FAM184B: variants seen among roughly 807,000 people sequenced by gnomAD.
FAM184B encodes family with sequence similarity 184 member B, also known as protein FAM184B.
In FAM184B, 111 loss-of-function variants were observed where a neutral mutation model predicts 135.9. The ratio of observed to expected loss-of-function variants is 0.82; its 90% CI spans 0.70 to 0.96. The LOEUF is 0.96. Ranked by LOEUF, FAM184B falls within the 40% of genes least tolerant of loss-of-function variation. The pLI is 0.00. For missense variants in FAM184B, 1,375 were observed against 1,323.9 expected (o/e 1.04, Z -0.60); for synonymous variants, 552 against 524.8 (o/e 1.05, Z -0.71).
intron 1 of FAM184B, among the ~76,000 whole-genome samples, chr4:17,712,579 A>G (rs1162271695): frequency 1.3e-5 from 2 of 152,108 alleles, no homozygotes; most frequent in Non-Finnish European, 2.9e-5. Context: ...AGTTCCTATT[A>G]CTGATTCACC....
In FAM184B at chr4:17,660,528, C is replaced by T. The variant is rs111586101; in HGVS notation, c.1695-441G>A. ...TCACTTTAATACAGTGTTTTGCACT[C>T]GTCAAAGCATGGTCACACATTTTAC... On this transcript the variant is annotated intron_variant, in intron 8 of 17. Coordinates refer to ENST00000265018, the MANE Select transcript of FAM184B (RefSeq NM_015688.2). Among the ~76,000 whole-genome samples the T allele has an allele frequency of 3.8e-3, 572 of 152,134 alleles. 5 individuals carry two copies. Among genetic ancestry groups the T allele is most frequent in the African/African-American group, 0.013 (544 of 41,478 alleles).
intron 5 of FAM184B, among the ~76,000 whole-genome samples, chr4:17,701,276 C>T (rs888451658): frequency 1.3e-5 from 2 of 152,180 alleles, no homozygotes; most frequent in African/African-American, 4.8e-5. Context: ...TAATCTACGG[C>T]CCAGGGCAAT....
chr4:17,709,266 C>T lies in FAM184B; in HGVS notation c.520G>A (p.Gly174Ser), dbSNP rs1460572780. 3 of 1,547,630 alleles carry T rather than the reference C, an allele frequency of 1.9e-6. No individual in the cohort carries two copies. The African/African-American group carries it at 4.1e-5, about 21-fold the overall frequency. Reference protein sequence around the residue: ...HLTSHEATPQGRLPQESPETK... With the variant: ...HLTSHEATPQSRLPQESPETK... ...TCAGGGCTCTCCTGGGGCAGCCGGC[C>T]CTGCGGGGTAGCCTCGTGGCTCGTC... Residue 174 changes from glycine (G) to serine (S), a missense_variant, in exon 2 of 18, where the codon GGC becomes AGC. Coordinates refer to ENST00000265018, the MANE Select transcript of FAM184B (RefSeq NM_015688.2).
intron 1 of FAM184B, among the ~76,000 whole-genome samples, chr4:17,770,538 A>G (rs950454948): frequency 5.9e-5 from 9 of 152,264 alleles, no homozygotes; most frequent in Admixed American, 1.3e-4. Flanking sequence ...ATATTGGCTC[A>G]CTGCAACCTC....
intron 1 of FAM184B, among the ~76,000 whole-genome samples, chr4:17,739,440 G>T (rs1300941374): frequency 6.6e-6 from 1 of 152,056 alleles, no homozygotes; most frequent in Non-Finnish European, 1.5e-5. Flanking sequence ...GTTCCTGGGA[G>T]AGGCGACGTT....
At chr4:17,637,056 T>TC (rs1715164401) in intron 14 of FAM184B, among the ~76,000 whole-genome samples, 1 of 151,998 alleles carries the variant, frequency 6.6e-6, no homozygotes, top group African/African-American at 2.4e-5. Flanking sequence ...AGACGGAGTC[T>TC]CCCTCTGTCG....
At chr4:17,692,265 T>C (rs948281527) in intron 6 of FAM184B, among the ~76,000 whole-genome samples, 3 of 151,766 alleles carry the variant, frequency 2.0e-5, no homozygotes, top group Non-Finnish European at 2.9e-5. Context: ...GGAGGAAGGA[T>C]AGAGAAAGGC....
At position 17,705,155 on chromosome 4, in the gene FAM184B, C is replaced by G; in HGVS notation, c.1222G>C (p.Glu408Gln). The change falls in exon 5 of 18, where the codon GAA becomes CAA. Residue 408 changes from glutamate (E) to glutamine (Q), a missense_variant. Glu to Gln is a conservative substitution (Grantham distance 29, BLOSUM62 2). Transcript: ENST00000265018. ...ETEYMKQQYE[E>Q]DLRKIKHQTE... ...TGATGTTTGATTTTACGAAGGTCTT[C>G]TTCATATTGTTGCTTCATATATTCT... 6.4e-7 allele frequency: 1 copy of G among 1,551,844 alleles called. No homozygotes were observed. The highest frequency in any genetic ancestry group is 8.7e-7 in the Non-Finnish European group (1 of 1,147,026).
chr4:17,722,296 T>A (rs188740151), intron 1 of FAM184B, among the ~76,000 whole-genome samples: 15 of 152,278 alleles, frequency 9.9e-5, no homozygotes, highest in African/African-American at 3.6e-4. Context: ...GAGGACTAAC[T>A]AAACCGCCAG....
chr4:17,635,761 C>G (rs925725889), intron 15 of FAM184B, among the ~76,000 whole-genome samples: 1 of 151,560 alleles, frequency 6.6e-6, no homozygotes, highest in Non-Finnish European at 1.5e-5. Context: ...TTTCAAAGCA[C>G]AGAGAGATAC....
intron 1 of FAM184B, among the ~76,000 whole-genome samples, chr4:17,733,863 A>G (rs1577282045): frequency 6.6e-6 from 1 of 152,332 alleles, no homozygotes; most frequent in African/African-American, 2.4e-5. Context: ...AAGAGCCCGC[A>G]TTGCCAAGTC....
chr4:17,709,699 G>A (rs1037491561), intron 1 of FAM184B, 55 bp from the exon 2 acceptor site: 12 of 1,420,728 alleles, frequency 8.4e-6, no homozygotes, highest in Non-Finnish European at 1.0e-5. Flanking sequence ...GTGTGGGAGG[G>A]CTGAGGGGAC....
intron 7 of FAM184B, among the ~76,000 whole-genome samples, chr4:17,665,647 A>G (rs1483374443): frequency 1.3e-5 from 2 of 152,162 alleles, no homozygotes; most frequent in Non-Finnish European, 2.9e-5. Flanking sequence ...GAAGGGGCAG[A>G]GCTGAGGCTG....
At chr4:17,695,490 C>T (rs1016359952) in intron 5 of FAM184B, among the ~76,000 whole-genome samples, 1 of 152,120 alleles carries the variant, frequency 6.6e-6, no homozygotes, top group African/African-American at 2.4e-5. Flanking sequence ...TTCTTGAGTA[C>T]AGACTGATGT....
rs922524278 is a variant in FAM184B, at chr4:17,678,441, C to CA, written c.1596+9982dup. 5.3e-5 allele frequency among the ~76,000 whole-genome samples: 8 copies of CA among 151,094 alleles called. No homozygotes were observed. The South Asian group carries it at 1.2e-3, about 24-fold the overall frequency. The stretch of plus-strand genomic sequence containing the variant: ...TTACAATAGCTGCAAAACAACCAAA[C>CA]AAAAAAAACCTTAGGAATATACCTA... On this transcript the variant is annotated intron_variant, in intron 7 of 17. Coordinates refer to ENST00000265018, the MANE Select transcript of FAM184B (RefSeq NM_015688.2).
At chr4:17,641,459 CTCTTTTTTT>C (rs1715308351) in intron 13 of FAM184B, among the ~76,000 whole-genome samples, 3 of 90,234 alleles carry the variant, frequency 3.3e-5, no homozygotes, top group Non-Finnish European at 4.4e-5. Context: ...ACAGGACTCC[CTCTTTTTTT>C]TTTTTTTTTT....
At chr4:17,665,772 C>T (rs958465219) in intron 7 of FAM184B, among the ~76,000 whole-genome samples, 3 of 152,180 alleles carry the variant, frequency 2.0e-5, no homozygotes, top group Admixed American at 6.5e-5. Context: ...CCAATGAAGA[C>T]CTCCACATTG....
At chr4:17,641,149 G>GGC (rs1715299362) in intron 13 of FAM184B, among the ~76,000 whole-genome samples, 5 of 152,062 alleles carry the variant, frequency 3.3e-5, no homozygotes, top group African/African-American at 1.2e-4. Flanking sequence ...GCCCAGGCTG[G>GGC]TCTTGGACTC....
At chr4:17,639,721 G>T (rs951536741) in intron 13 of FAM184B, among the ~76,000 whole-genome samples, 1 of 152,126 alleles carries the variant, frequency 6.6e-6, no homozygotes, top group African/African-American at 2.4e-5. Flanking sequence ...GACAGGCGGG[G>T]AGGCAAGAGG....
Sources: gnomAD v4.1 joint callset for allele counts (sites outside exome capture counted in the v4.1 genomes callset) on GRCh38, gnomAD v4.1.1 for gene constraint, MANE v1.5 for transcripts, NCBI Gene and HGNC (gene_info 2026-07-23, HGNC 2026-07-21) for gene names.